Variants in CTIF observed in about 807,000 individuals in gnomAD.
CTIF encodes cap binding complex dependent translation initiation factor.
CTIF carries 21 observed loss-of-function variants against 66.0 expected under a neutral mutation model. That is an observed-to-expected ratio of 0.32 (90% confidence interval 0.23 to 0.46). The LOEUF is 0.46. Ranked by LOEUF, CTIF falls within the 20% of genes least tolerant of loss-of-function variation. CTIF has a pLI of 1.00. For synonymous variants in CTIF, 345 were observed against 326.4 expected (o/e 1.06, Z -0.62); for missense variants, 739 against 812.7 (o/e 0.91, Z 1.10).
At chr18:48,606,894 AATTAAT>A (rs2090211668) in intron 1 of CTIF, among the ~76,000 whole-genome samples, 1 of 152,206 alleles carries the variant, frequency 6.6e-6, no homozygotes, top group African/African-American at 2.4e-5. Flanking sequence ...TTGAGGATTA[AATTAAT>A]ATATGACAAG....
At chr18:48,708,490 G>A (rs904776192) in intron 6 of CTIF, among the ~76,000 whole-genome samples, 3 of 152,136 alleles carry the variant, frequency 2.0e-5, no homozygotes, top group Non-Finnish European at 4.4e-5. Flanking sequence ...GGAGGTTCCC[G>A]GTGCTGGAAG....
rs534008121 is a variant in CTIF, at chr18:48,659,227, C to T, written c.253-4525C>T. Among the ~76,000 whole-genome samples the T allele has an allele frequency of 9.9e-5, 15 of 152,242 alleles. No individual in the cohort carries two copies. In the East Asian group the frequency reaches 1.2e-3, roughly 12 times the overall value. ...TCAAGTAGAGTGGCAATAAGGAGTG[C>T]GGCCCCTGTGTCCAAGGTGTTGCCC... is the stretch of plus-strand genomic sequence containing the variant. On this transcript the variant is annotated intron_variant, in intron 3 of 11. Transcript: ENST00000256413.
chr18:48,646,744 CAA>C (rs60714827), intron 3 of CTIF, among the ~76,000 whole-genome samples: 4 of 119,390 alleles, frequency 3.4e-5, no homozygotes, highest in Non-Finnish European at 3.6e-5. Flanking sequence ...GACCCTGTCT[CAA>C]AAAAAAAAAA....
chr18:48,779,040 C>T (rs770959158), intron 9 of CTIF, among the ~76,000 whole-genome samples: 10 of 152,178 alleles, frequency 6.6e-5, no homozygotes, highest in East Asian at 1.9e-4. Flanking sequence ...CCTCTCGGGG[C>T]CCCAGTTTTC....
chr18:48,655,090 T>C (rs1238363174), intron 3 of CTIF, among the ~76,000 whole-genome samples: 1 of 151,778 alleles, frequency 6.6e-6, no homozygotes, highest in South Asian at 2.1e-4. Flanking sequence ...ACCTGCGCAT[T>C]GTGCACATGT....
At chr18:48,627,275 A>G (rs2090620692) in intron 2 of CTIF, among the ~76,000 whole-genome samples, 1 of 152,172 alleles carries the variant, frequency 6.6e-6, no homozygotes, top group Non-Finnish European at 1.5e-5. Context: ...GCTCTTTTGT[A>G]GGCTCAGGGG....
At chr18:48,859,000 T>G (rs2069395078) in intron 11 of CTIF, among the ~76,000 whole-genome samples, 1 of 152,120 alleles carries the variant, frequency 6.6e-6, no homozygotes, top group South Asian at 2.1e-4. Context: ...TGGAGCCATT[T>G]GAGGGTGCGG....
chr18:48,559,876 C>A (rs1371504895), intron 1 of CTIF, among the ~76,000 whole-genome samples: 5 of 152,096 alleles, frequency 3.3e-5, no homozygotes, highest in African/African-American at 1.2e-4. Flanking sequence ...GGCATGAGTA[C>A]ACTAAAAGCC....
intron 1 of CTIF, among the ~76,000 whole-genome samples, chr18:48,541,216 G>T (rs2088609109): frequency 6.6e-6 from 1 of 152,088 alleles, no homozygotes; most frequent in South Asian, 2.1e-4. Context: ...CAAGCCCAGC[G>T]CGCCCCAGCC....
intron 6 of CTIF, among the ~76,000 whole-genome samples, chr18:48,677,018 T>A (rs926379655): frequency 1.8e-4 from 28 of 152,008 alleles, no homozygotes; most frequent in Non-Finnish European, 7.4e-5. Context: ...GGGCCGCGGC[T>A]GGGGCTGCCC....
intron 1 of CTIF, among the ~76,000 whole-genome samples, chr18:48,553,355 T>C (rs1434455920): frequency 6.6e-6 from 1 of 152,220 alleles, no homozygotes; most frequent in African/African-American, 2.4e-5. Flanking sequence ...GTGGCAAGCC[T>C]TGGAGGCCCA....
chr18:48,563,238 G>A (rs923926698), intron 1 of CTIF, among the ~76,000 whole-genome samples: 5 of 94,244 alleles, frequency 5.3e-5, no homozygotes, highest in African/African-American at 1.6e-4. Context: ...CCACCCTTGG[G>A]GATGTAAACT....
Position 48,859,581 on chromosome 18 carries a change from G to A in CTIF, c.*22G>A, listed in dbSNP as rs371624408. ...CTGACAGCCAGGGGGCCTGGCAGGCGGCCCACGGGCAGCTGGGGCCCTGGT... is the reference window on the plus strand; with the variant it reads ...CTGACAGCCAGGGGGCCTGGCAGGCAGCCCACGGGCAGCTGGGGCCCTGGT... On this transcript the variant is annotated 3_prime_UTR_variant, in exon 12 of 12. Transcript: ENST00000256413. 1,283 of 1,609,088 alleles carry A rather than the reference G, an allele frequency of 8.0e-4. 1 individual carries two copies. Among genetic ancestry groups the A allele is most frequent in the Non-Finnish European group, 1.0e-3 (1,203 of 1,175,936 alleles).
intron 10 of CTIF, among the ~76,000 whole-genome samples, chr18:48,843,273 C>T (rs542992522): frequency 7.6e-4 from 115 of 152,206 alleles, no homozygotes; most frequent in African/African-American, 2.6e-3. Flanking sequence ...CGGGGCTGGG[C>T]GTAACTGCTC....
intron 1 of CTIF, among the ~76,000 whole-genome samples, chr18:48,552,693 G>A (rs1211897393): frequency 6.6e-6 from 1 of 152,160 alleles, no homozygotes; most frequent in African/African-American, 2.4e-5. Context: ...TCTAACTTGT[G>A]AATTTTGGGG....
At chr18:48,781,345 C>T (rs1911194831) in intron 9 of CTIF, among the ~76,000 whole-genome samples, 1 of 152,154 alleles carries the variant, frequency 6.6e-6, no homozygotes, top group Non-Finnish European at 1.5e-5. Flanking sequence ...GTCTGATTAG[C>T]AGAGACTCGG....
intron 7 of CTIF, among the ~76,000 whole-genome samples, chr18:48,745,290 T>C (rs1378229311): frequency 6.6e-6 from 1 of 152,250 alleles, no homozygotes; most frequent in East Asian, 1.9e-4. Context: ...GTGCACCATG[T>C]CAGGAGGTAC....
intron 10 of CTIF, among the ~76,000 whole-genome samples, chr18:48,852,898 A>T (rs1477841775): frequency 2.0e-5 from 3 of 152,196 alleles, no homozygotes; most frequent in Non-Finnish European, 2.9e-5. Flanking sequence ...TATTTCTACA[A>T]GCACTCTATG....
intron 6 of CTIF, chr18:48,688,142 G>A (rs1218947482): frequency 6.6e-6 from 1 of 152,222 alleles, no homozygotes; most frequent in Non-Finnish European, 1.5e-5. Flanking sequence ...AGAAACCTCA[G>A]AGCTTAGTCT....
Sources: allele counts gnomAD v4.1 joint callset (sites outside exome capture counted in the v4.1 genomes callset), GRCh38; gene constraint gnomAD v4.1.1; transcripts MANE v1.5; gene names NCBI Gene and HGNC (gene_info 2026-07-23, HGNC 2026-07-21).